The following CEP72 variants were observed in gnomAD, a reference collection of about 807,000 sequenced individuals.
CEP72 encodes centrosomal protein of 72 kDa.
In CEP72, 78 loss-of-function variants were observed where a neutral mutation model predicts 65.7. The observed-to-expected ratio is 1.19, with a 90% CI of 0.99 to 1.43. CEP72 has a LOEUF of 1.43. CEP72 is among the 40% of genes most tolerant of loss of function. CEP72 has a pLI of 0.00. For synonymous variants in CEP72, 358 were observed against 351.7 expected, an observed-to-expected ratio of 1.02 and a Z score of -0.20; for missense variants, 914 against 832.9, an observed-to-expected ratio of 1.10 and a Z score of -1.20.
chr5:633,735 T>C (rs750383361), intron 4 of CEP72, 34 bp from the exon 5 acceptor site: 4 of 1,605,884 alleles, frequency 2.5e-6, no homozygotes, highest in Non-Finnish European at 3.4e-6. Context: ...ATGGCTGGCT[T>C]GAGTGATGCT....
At chr5:635,273 CAG>C in intron 5 of CEP72, 97 bp from the exon 6 acceptor site, 5 of 909,130 alleles carry the variant, frequency 5.5e-6, no homozygotes, top group Non-Finnish European at 8.5e-6. Context: ...CTCGGTCTAA[CAG>C]ATACCATACA....
At chr5:671,136 C>A (rs1439800895), downstream of CEP72, among the ~76,000 whole-genome samples, 1 of 152,208 alleles carries the variant, frequency 6.6e-6, no homozygotes, top group Non-Finnish European at 1.5e-5. Flanking sequence ...CGAAGGCTCC[C>A]CCCTGCCTGA....
chr5:643,279 C>T (rs375649137), intron 9 of CEP72: 17 of 985,432 alleles, frequency 1.7e-5, no homozygotes, highest in Middle Eastern at 5.2e-4. Context: ...GGAGGCAAAA[C>T]CATGAGACGT....
intron 1 of CEP72, among the ~76,000 whole-genome samples, chr5:616,691 G>A (rs1736007778): frequency 6.6e-6 from 1 of 152,148 alleles, no homozygotes; most frequent in Non-Finnish European, 1.5e-5. Flanking sequence ...CCTACTGGCT[G>A]GGAGAGTGAA....
the CEP72 span, among the ~76,000 whole-genome samples, chr5:673,708 C>T: frequency 4.8e-4 from 73 of 152,294 alleles, no homozygotes; most frequent in Admixed American, 2.8e-3. Context: ...GGCTGGTCCC[C>T]GGCCCCACAC....
chr5:634,325 G>A (rs1197396036), intron 5 of CEP72, among the ~76,000 whole-genome samples: 2 of 152,212 alleles, frequency 1.3e-5, no homozygotes, highest in African/African-American at 2.4e-5. Flanking sequence ...AGGCCGCCAC[G>A]TGCAGACCTG....
At chr5:653,623 G>A (rs1364701492), downstream of CEP72, 1 of 152,828 alleles carries the variant, frequency 6.5e-6, no homozygotes, top group Non-Finnish European at 1.5e-5. Context: ...AGAACAAGCT[G>A]TGCACCATGA....
downstream of CEP72, chr5:660,248 G>GA (rs1415611842): frequency 6.7e-6 from 1 of 149,334 alleles, no homozygotes; most frequent in Non-Finnish European, 1.5e-5. Context: ...TCCCTTTCTT[G>GA]AAAAAAACTT....
At chr5:665,442 C>CTTATT (rs1739856691) in intron 3 of CEP72, 1 of 750,868 alleles carries the variant, frequency 1.3e-6, no homozygotes, top group Non-Finnish European at 2.1e-6. Context: ...CCTTTTAATT[C>CTTATT]TTATTTTTAC....
intron 11 of CEP72, among the ~76,000 whole-genome samples, chr5:648,911 T>G (rs1450511955): frequency 2.3e-4 from 9 of 39,884 alleles, no homozygotes; most frequent in South Asian, 1.2e-3. Context: ...CTGTGAGGGG[T>G]GACTGTGAGG....
chr5:669,157 T>A (rs3792721), downstream of CEP72, among the ~76,000 whole-genome samples: 73,988 of 152,014 alleles, frequency 0.49, 21,057 homozygotes, highest in African/African-American at 0.8. Flanking sequence ...GGAGGGGGCT[T>A]TGGGGAGACA....
downstream of CEP72, chr5:667,267 C>T (rs923313365): frequency 5.3e-5 from 8 of 152,222 alleles, no homozygotes; most frequent in Non-Finnish European, 1.2e-4. Context: ...TCTGGCTCAG[C>T]CACATGCATG....
intron 4 of CEP72, among the ~76,000 whole-genome samples, chr5:666,597 G>C (rs1739926055): frequency 6.6e-6 from 1 of 152,212 alleles, no homozygotes; most frequent in Admixed American, 6.5e-5. Context: ...ATGGGCGCAG[G>C]CCCACGCCTC....
intron 1 of CEP72, among the ~76,000 whole-genome samples, chr5:612,997 A>G (rs2126720121): frequency 6.6e-6 from 1 of 152,368 alleles, no homozygotes; most frequent in Admixed American, 6.5e-5. Context: ...GGAATTTTCC[A>G]GTGAAACCAT....
chr5:669,476 C>T (rs1475866146), downstream of CEP72, among the ~76,000 whole-genome samples: 1 of 152,148 alleles, frequency 6.6e-6, no homozygotes, highest in Non-Finnish European at 1.5e-5. Context: ...TGTTGACTCT[C>T]TGGGGCCCTT....
At chr5:667,593 C>G (rs1739974459), downstream of CEP72, among the ~76,000 whole-genome samples, 1 of 152,172 alleles carries the variant, frequency 6.6e-6, no homozygotes, top group Non-Finnish European at 1.5e-5. Context: ...AAACTCTGCT[C>G]TCAGAAGACA....
intron 11 of CEP72, among the ~76,000 whole-genome samples, chr5:652,170 G>A (rs1052119585): frequency 6.6e-6 from 1 of 152,186 alleles, no homozygotes; most frequent in African/African-American, 2.4e-5. Flanking sequence ...AGGTACAGTT[G>A]GGGGTCATTC....
intron 10 of CEP72, among the ~76,000 whole-genome samples, 168 bp downstream of exon 10, chr5:644,593 C>T (rs565255689): frequency 1.2e-4 from 18 of 152,314 alleles, no homozygotes; most frequent in South Asian, 6.2e-4. Flanking sequence ...CTGCCTCGGC[C>T]GGAGTTTATG....
chr5:665,181 TC>T, exon 3 of CEP72: 1 of 1,613,752 alleles, frequency 6.2e-7, no homozygotes, highest in Non-Finnish European at 8.5e-7. Context: ...GTCCACCAGA[TC>T]CACGCGGCCA....
Sources: allele counts gnomAD v4.1 joint callset (sites outside exome capture counted in the v4.1 genomes callset), GRCh38; gene constraint gnomAD v4.1.1; transcripts MANE v1.5; gene names NCBI Gene and HGNC (gene_info 2026-07-23, HGNC 2026-07-21).